NKD1: variants seen among roughly 807,000 people sequenced by gnomAD.
NKD1 encodes NKD inhibitor of Wnt signaling pathway 1, also known as protein naked cuticle homolog 1.
NKD1 carries 21 observed loss-of-function variants against 56.0 expected under a neutral mutation model. The observed-to-expected ratio is 0.38, with a 90% CI of 0.27 to 0.54. The LOEUF is 0.54. Ranked by LOEUF, NKD1 falls within the 20% of genes least tolerant of loss-of-function variation. The pLI, the probability that NKD1 is intolerant of heterozygous loss-of-function variation, is 0.82. For synonymous variants in NKD1, 263 were observed against 265.7 expected, an observed-to-expected ratio of 0.99 and a Z score of 0.10; for missense variants, 578 against 642.7, an observed-to-expected ratio of 0.90 and a Z score of 1.09.
chr16:50,600,982 G>T (rs555875791), intron 3 of NKD1, among the ~76,000 whole-genome samples: 5 of 152,348 alleles, frequency 3.3e-5, no homozygotes, highest in African/African-American at 1.2e-4. Context: ...TGCATCTTGG[G>T]CAGATAAAAA....
At chr16:50,618,858 A>G (rs772578221) in intron 4 of NKD1, among the ~76,000 whole-genome samples, 1 of 152,174 alleles carries the variant, frequency 6.6e-6, no homozygotes, top group Non-Finnish European at 1.5e-5. Flanking sequence ...TGGGGAAGAC[A>G]TATGAGGGGT....
Position 50,638,451 on chromosome 16 carries a change from A to C in NKD1, c.*4670A>C, listed in dbSNP as rs563150804. 59 of 152,500 alleles carry C rather than the reference A, an allele frequency of 3.9e-4. No homozygotes were observed. Among genetic ancestry groups the C allele is most frequent in the African/African-American group, 1.4e-3 (59 of 41,490 alleles). 9.4% of individuals were successfully genotyped at this position (152,500 alleles called of 1,614,324 possible). A position where few individuals can be genotyped will look rare whatever the true frequency, so the allele number is the denominator to read the frequency against. ...CCCAGACCAGCTGCACCCAGCCCCC[A>C]ACACGCACCCCTTCTCCAGATGTGT... is the stretch of plus-strand genomic sequence containing the variant. On this transcript the variant is annotated 3_prime_UTR_variant, in exon 10 of 10. Transcript: ENST00000268459.
chr16:50,625,976 C>A (rs1962204159), intron 6 of NKD1, among the ~76,000 whole-genome samples: 1 of 152,234 alleles, frequency 6.6e-6, no homozygotes, highest in Non-Finnish European at 1.5e-5. Flanking sequence ...GGCCACCTCC[C>A]TTGCTCAGCC....
At chr16:50,589,784 C>T (rs1961322040) in intron 3 of NKD1, among the ~76,000 whole-genome samples, 1 of 117,548 alleles carries the variant, frequency 8.5e-6, no homozygotes, top group Admixed American at 9.0e-5. Context: ...CTCCTCTCCT[C>T]TCCTCTCCTC....
chr16:50,562,541 G>A (rs1431344558), intron 3 of NKD1, among the ~76,000 whole-genome samples: 1 of 152,236 alleles, frequency 6.6e-6, no homozygotes. Context: ...TTTATCAGAA[G>A]GAGTGGAGAG....
chr16:50,587,485 T>C (rs562135306), intron 3 of NKD1, among the ~76,000 whole-genome samples: 81 of 152,368 alleles, frequency 5.3e-4, no homozygotes, highest in Middle Eastern at 6.8e-3. Flanking sequence ...AAAAGCATTA[T>C]CTAGGCTTTC....
In NKD1 at chr16:50,623,373, G is replaced by T. The variant is rs1410392318; in HGVS notation, c.366+1665G>T. 1.3e-5 allele frequency among the ~76,000 whole-genome samples: 2 copies of T among 152,144 alleles called. No individual in the cohort carries two copies. The highest frequency in any genetic ancestry group is 3.9e-4 in the East Asian group (2 of 5,156). On this transcript the variant is annotated intron_variant, in intron 5 of 9. Coordinates refer to ENST00000268459, the MANE Select transcript of NKD1 (RefSeq NM_033119.5). This position sits in a 1 kb window ranked among gnomAD's most constrained non-coding sequence, Gnocchi z 4.1. ...GCCTGAGGAGGATAGGTAGTATCTA[G>T]TAGGAGTTAGGGCTGCCAGCTTCTT... is the stretch of plus-strand genomic sequence containing the variant.
chr16:50,635,462 C>G lies in NKD1; in HGVS notation c.*1681C>G, dbSNP rs776374417. On this transcript the variant is annotated 3_prime_UTR_variant, in exon 10 of 10. Coordinates refer to ENST00000268459, the MANE Select transcript of NKD1 (RefSeq NM_033119.5). The surrounding 1 kb of genome is among the most constrained non-coding windows in gnomAD (Gnocchi z 4.1). Reference sequence around the variant, plus strand: ...GGAGACTCAAGAGGGAGAAGTGACTCCAGCTACCTTCCTTTCTGCCGTTTT... The same window carrying G: ...GGAGACTCAAGAGGGAGAAGTGACTGCAGCTACCTTCCTTTCTGCCGTTTT... 6.6e-6 allele frequency: 1 copy of G among 152,206 alleles called. No individual in the cohort carries two copies. The highest frequency in any genetic ancestry group is 1.5e-5 in the Non-Finnish European group (1 of 68,050). 9.4% of individuals were successfully genotyped at this position (152,206 alleles called of 1,614,324 possible).
In NKD1 at chr16:50,631,044, TAAATC is replaced by T. The variant is rs1012610829; in HGVS notation, c.695+139_695+143del. On this transcript the variant is annotated intron_variant, in intron 8 of 9. Transcript: ENST00000268459. Reference sequence around the variant, plus strand: ...CCAACACTTTTGATGCACAGACTCATAAATCAAATGAAAATCTTAACAAATAACTA... The same window carrying T: ...CCAACACTTTTGATGCACAGACTCATAAATGAAAATCTTAACAAATAACTA... The T allele has an allele frequency of 1.0e-4, 59 of 590,312 alleles. No homozygotes were observed. The African/African-American group carries it at 1.0e-3, about 10-fold the overall frequency. 36.6% of individuals were successfully genotyped at this position (590,312 alleles called of 1,614,324 possible).
At chr16:50,625,717 G>C in intron 6 of NKD1, 137 bp downstream of exon 6, 1 of 638,420 alleles carries the variant, frequency 1.6e-6, no homozygotes, top group Non-Finnish European at 2.8e-6. Flanking sequence ...CCAGGGAGTT[G>C]CTGGGAGCTC....
chr16:50,589,467 T>C (rs1318769952), intron 3 of NKD1, among the ~76,000 whole-genome samples: 1 of 152,150 alleles, frequency 6.6e-6, no homozygotes, highest in Admixed American at 6.5e-5. Flanking sequence ...TGCTGCACGG[T>C]GGAAGCTCTG....
Position 50,629,224 on chromosome 16 carries a change from A to G in NKD1, c.463-962A>G, listed in dbSNP as rs535831102. On this transcript the variant is annotated intron_variant, in intron 6 of 9. Coordinates refer to ENST00000268459, the MANE Select transcript of NKD1 (RefSeq NM_033119.5). ...GTGATCCTCCCACTTTGGCCTCCCA[A>G]AGTGCTGGGATTCCAGGTGTGAGCC... 3.1e-4 allele frequency among the ~76,000 whole-genome samples: 47 copies of G among 152,018 alleles called. 1 individual carries two copies. The highest frequency in any genetic ancestry group is 1.1e-3 in the African/African-American group (45 of 41,466).
intron 3 of NKD1, among the ~76,000 whole-genome samples, chr16:50,572,495 T>A (rs984278605): frequency 6.6e-6 from 1 of 152,216 alleles, no homozygotes; most frequent in African/African-American, 2.4e-5. Flanking sequence ...TGCTTCCATC[T>A]TGGATTTTTT....
chr16:50,585,939 C>T (rs374723479), intron 3 of NKD1, among the ~76,000 whole-genome samples: 1 of 152,204 alleles, frequency 6.6e-6, no homozygotes, highest in South Asian at 2.1e-4. Context: ...TTCCTGTCCA[C>T]TGTTGGTGTT....
chr16:50,608,280 C>CT lies in NKD1; in HGVS notation c.193-13dup. ...CCAACCCCTGCTCAATGCCTCTGCT[C>CT]TGTCTTCTTGTAGGAGCTCGTGGGC... On this transcript the variant is annotated splice_polypyrimidine_tract_variant and intron_variant, in intron 3 of 9. Coordinates refer to ENST00000268459, the MANE Select transcript of NKD1 (RefSeq NM_033119.5). 1 of 1,605,498 alleles carries CT rather than the reference C, an allele frequency of 6.2e-7. No individual in the cohort carries two copies. Among genetic ancestry groups the CT allele is most frequent in the Non-Finnish European group, 8.5e-7 (1 of 1,172,454 alleles).
At chr16:50,579,664 G>A (rs1251648706) in intron 3 of NKD1, among the ~76,000 whole-genome samples, 4 of 144,194 alleles carry the variant, frequency 2.8e-5, no homozygotes, top group Non-Finnish European at 6.0e-5. Context: ...CGCTACACAC[G>A]CACTCTAACC....
chr16:50,550,601 C>A (rs929758442), intron 3 of NKD1, among the ~76,000 whole-genome samples: 9 of 151,908 alleles, frequency 5.9e-5, no homozygotes, highest in Admixed American at 5.9e-4. Context: ...CCTCCTCCAC[C>A]GCCACTGCTT....
At chr16:50,572,964 G>T in intron 3 of NKD1, 1 of 703,914 alleles carries the variant, frequency 1.4e-6, no homozygotes, top group Non-Finnish European at 1.7e-6. Flanking sequence ...TGAGTTCTGG[G>T]CCTGCTGCCT....
At position 50,608,322 on chromosome 16, in the gene NKD1, C is replaced by T. The variant is rs756691004; in HGVS notation, c.221C>T (p.Thr74Met). Residue 74 changes from threonine to methionine, a missense_variant, in exon 4 of 10, where the codon ACG (threonine) becomes ATG (methionine). Coordinates refer to ENST00000268459, the MANE Select transcript of NKD1 (RefSeq NM_033119.5). Reference protein sequence around the residue: ...RELVGDVLRDTLSEEEEDDFR... With the variant: ...RELVGDVLRDMLSEEEEDDFR... Reference sequence around the variant, plus strand: ...CTCGTGGGCGACGTGTTGAGAGACACGCTCAGCGAGGAAGAGGAGGACGAC... The same window carrying T: ...CTCGTGGGCGACGTGTTGAGAGACATGCTCAGCGAGGAAGAGGAGGACGAC... 1.3e-5 allele frequency: 21 copies of T among 1,613,306 alleles called. No individual in the cohort carries two copies. Among genetic ancestry groups the T allele is most frequent in the East Asian group, 2.2e-5 (1 of 44,880 alleles).
Sources: allele counts gnomAD v4.1 joint callset (sites outside exome capture counted in the v4.1 genomes callset), GRCh38; gene constraint gnomAD v4.1.1; non-coding constraint Gnocchi (gnomAD v3.1); transcripts MANE v1.5; gene names NCBI Gene and HGNC (gene_info 2026-07-23, HGNC 2026-07-21).